The following NHSL3 variants were observed in gnomAD, a reference collection of about 807,000 sequenced individuals.
The protein encoded by NHSL3 is NHS-like protein 3.
chr1:32,770,778 G>T, the NHSL3 span: 1 of 1,582,840 alleles, frequency 6.3e-7, no homozygotes, highest in South Asian at 1.1e-5. This position sits in a 1 kb window ranked among gnomAD's most constrained non-coding sequence, Gnocchi z 8.3. Flanking sequence ...AGCCCCAGCT[G>T]CCTCGGCCAC....
At chr1:32,767,984 C>G in the NHSL3 span, 2 of 1,611,762 alleles carry the variant, frequency 1.2e-6, no homozygotes, top group East Asian at 2.2e-5. Context: ...CTCCCCTCCC[C>G]TCTCCTCCCT....
the NHSL3 span, chr1:32,770,196 C>T: frequency 1.2e-6 from 2 of 1,604,134 alleles, no homozygotes; most frequent in South Asian, 2.2e-5. The surrounding 1 kb of genome is among the most constrained non-coding windows in gnomAD (Gnocchi z 8.3). Context: ...AGCCCCTGAG[C>T]CCGGCCATGT....
chr1:32,772,290 C>CCCCCCCCCGT, the NHSL3 span: 1 of 1,593,396 alleles, frequency 6.3e-7, no homozygotes, highest in Non-Finnish European at 8.6e-7. Context: ...CCCCACCCGC[C>CCCCCCCCCGT]TCCCCCAGTT....
At chr1:32,747,582 A>C in the NHSL3 span, among the ~76,000 whole-genome samples, 1 of 152,076 alleles carries the variant, frequency 6.6e-6, no homozygotes, top group Admixed American at 6.5e-5. Flanking sequence ...CTAGGCATGG[A>C]GATGGGAGCT....
the NHSL3 span, among the ~76,000 whole-genome samples, chr1:32,748,019 A>G: frequency 9.2e-5 from 14 of 152,334 alleles, no homozygotes; most frequent in Non-Finnish European, 1.6e-4. Flanking sequence ...CTGAGGCAGG[A>G]GAATAGCTTG....
the NHSL3 span, among the ~76,000 whole-genome samples, chr1:32,742,985 G>A: frequency 6.6e-6 from 1 of 152,200 alleles, no homozygotes; most frequent in Non-Finnish European, 1.5e-5. Flanking sequence ...TTGAGTCCCT[G>A]GGCTCCTCCT....
At chr1:32,770,076 C>A in the NHSL3 span, 1 of 1,559,768 alleles carries the variant, frequency 6.4e-7, no homozygotes. The surrounding 1 kb of genome is among the most constrained non-coding windows in gnomAD (Gnocchi z 8.3). Flanking sequence ...TTGACCGTGT[C>A]TACCGGGATG....
chr1:32,772,804 C>T, the NHSL3 span: 3 of 1,524,640 alleles, frequency 2.0e-6, no homozygotes, highest in Non-Finnish European at 2.7e-6. Context: ...TTGTTGGGCT[C>T]CTAGTGCCAG....
the NHSL3 span, among the ~76,000 whole-genome samples, chr1:32,756,605 G>A: frequency 2.8e-5 from 4 of 140,908 alleles, no homozygotes; most frequent in African/African-American, 1.1e-4. Context: ...GCTGCAGTGA[G>A]CCGATCGTGC....
chr1:32,749,076 G>A, the NHSL3 span, among the ~76,000 whole-genome samples: 6 of 152,132 alleles, frequency 3.9e-5, no homozygotes, highest in South Asian at 4.1e-4. Context: ...GGGAAAATAC[G>A]CTGAACAAGT....
chr1:32,747,187 G>GT, the NHSL3 span, among the ~76,000 whole-genome samples: 1 of 147,968 alleles, frequency 6.8e-6, no homozygotes, highest in African/African-American at 2.6e-5. Flanking sequence ...TTTTTTTTTT[G>GT]TTTTGTTTTG....
the NHSL3 span, chr1:32,768,559 C>T: frequency 2.0e-6 from 3 of 1,472,082 alleles, no homozygotes; most frequent in South Asian, 3.6e-5. Flanking sequence ...TTCGCTACTG[C>T]ACTCCAGCCT....
the NHSL3 span, chr1:32,770,175 A>G: frequency 1.2e-6 from 2 of 1,600,578 alleles, no homozygotes; most frequent in South Asian, 2.2e-5. The surrounding 1 kb of genome is among the most constrained non-coding windows in gnomAD (Gnocchi z 8.3). Context: ...CAGGAGGGGC[A>G]GGGCCTGCAG....
the NHSL3 span, chr1:32,768,659 G>T: frequency 1.2e-6 from 2 of 1,614,116 alleles, no homozygotes; most frequent in Admixed American, 1.7e-5. Context: ...TAGTCCTCCC[G>T]GACGGGGCCG....
chr1:32,770,658 G>A, the NHSL3 span: 2 of 1,524,628 alleles, frequency 1.3e-6, no homozygotes, highest in East Asian at 2.3e-5. The surrounding 1 kb of genome is among the most constrained non-coding windows in gnomAD (Gnocchi z 8.3). Context: ...CCCTGCGTAA[G>A]CTGAAGCGGC....
the NHSL3 span, chr1:32,770,663 A>G: frequency 6.6e-7 from 1 of 1,524,618 alleles, no homozygotes; most frequent in South Asian, 1.3e-5. The surrounding 1 kb of genome is among the most constrained non-coding windows in gnomAD (Gnocchi z 8.3). Context: ...CGTAAGCTGA[A>G]GCGGCCTCCA....
chr1:32,767,650 CTG>C, the NHSL3 span: 1 of 707,258 alleles, frequency 1.4e-6, no homozygotes, highest in East Asian at 2.5e-5. Flanking sequence ...TGTGTCCAGA[CTG>C]GGGAAGGGGG....
the NHSL3 span, among the ~76,000 whole-genome samples, chr1:32,756,471 C>CCG: frequency 2.1e-4 from 3 of 13,994 alleles, no homozygotes; most frequent in African/African-American, 4.7e-4. Flanking sequence ...CATGACGAGA[C>CCG]CCCCCCCCCC....
the NHSL3 span, among the ~76,000 whole-genome samples, chr1:32,765,315 G>GGGAATTACTCTTTCCCCAC: frequency 6.6e-6 from 1 of 152,206 alleles, no homozygotes; most frequent in African/African-American, 2.4e-5. Context: ...TCTTTCCCCA[G>GGGAATTACTCTTTCCCCAC]GGAATTACGC....
Sources: gnomAD v4.1 joint callset for allele counts (sites outside exome capture counted in the v4.1 genomes callset) on GRCh38, gnomAD v4.1.1 for gene constraint, Gnocchi (gnomAD v3.1) non-coding constraint, MANE v1.5 for transcripts, NCBI Gene and HGNC (gene_info 2026-07-23, HGNC 2026-07-21) for gene names.